Variants in MAP3K15 observed in about 807,000 individuals in gnomAD.
MAP3K15 encodes MAPK/ERK kinase kinase 15.
MAP3K15 carries 124 observed loss-of-function variants against 99.5 expected under a neutral mutation model. That is an observed-to-expected ratio of 1.25 (90% confidence interval 1.08 to 1.45). The LOEUF is 1.45. Ranked by LOEUF, MAP3K15 falls within the 40% of genes most tolerant of loss-of-function variation. MAP3K15 has a pLI of 0.00. For missense variants in MAP3K15, 1,242 were observed against 1,079.7 expected, an observed-to-expected ratio of 1.15 and a Z score of -2.11; for synonymous variants, 494 against 439.6, an observed-to-expected ratio of 1.12 and a Z score of -1.55.
At chrX:19,509,867 AAGAG>A (rs1179020119) in intron 1 of MAP3K15, among the ~76,000 whole-genome samples, 2 of 111,754 alleles carry the variant, frequency 1.8e-5, no homozygotes, top group African/African-American at 3.3e-5. Context: ...TAAAGAAGAA[AAGAG>A]AGAAGAATCA....
chrX:19,445,076 C>G (rs1296851557), intron 6 of MAP3K15, among the ~76,000 whole-genome samples: 1 of 111,270 alleles, frequency 9.0e-6, no homozygotes, highest in Non-Finnish European at 1.9e-5. Context: ...CTCCTCAACA[C>G]TATACAGCCT....
At chrX:19,513,981 C>T (rs1029481476) in intron 1 of MAP3K15, among the ~76,000 whole-genome samples, 3 of 111,106 alleles carry the variant, frequency 2.7e-5, no homozygotes, top group Non-Finnish European at 3.8e-5. Flanking sequence ...AAAGGTGCCC[C>T]CTAACCCGTG....
At chrX:19,481,420 A>G (rs1175929404) in intron 3 of MAP3K15, among the ~76,000 whole-genome samples, 1 of 111,332 alleles carries the variant, frequency 9.0e-6, no homozygotes, top group African/African-American at 3.3e-5. Flanking sequence ...AGCTAAAACT[A>G]TAAAACTTCT....
chrX:19,455,051 A>G (rs1321180845), intron 6 of MAP3K15, among the ~76,000 whole-genome samples: 1 of 111,967 alleles, frequency 8.9e-6, no homozygotes, highest in African/African-American at 3.2e-5. Context: ...ATTCAGGATC[A>G]GATTACATGT....
intron 9 of MAP3K15, among the ~76,000 whole-genome samples, chrX:19,421,087 G>C (rs766403850): frequency 2.3e-3 from 259 of 110,803 alleles, no homozygotes; most frequent in Non-Finnish European, 3.4e-3. Context: ...TACTGAATGG[G>C]CAAAAACTGG....
intron 9 of MAP3K15, among the ~76,000 whole-genome samples, chrX:19,424,695 G>T: frequency 9.0e-6 from 1 of 110,589 alleles, no homozygotes; most frequent in South Asian, 3.9e-4. Context: ...ACCCAGGCTG[G>T]ATTGCAGTTG....
rs1178265684 is a variant in MAP3K15 at position 19,395,105 on chromosome X, T to C, written c.2170A>G (p.Ile724Val). The C allele has an allele frequency of 2.5e-6, 3 of 1,206,146 alleles. No individual in the cohort carries two copies. In the African/African-American group the frequency reaches 5.3e-5, roughly 21 times the overall value. Residue 724 changes from isoleucine to valine, a missense_variant, in exon 16 of 29, where the codon ATA becomes GTA. Coordinates refer to ENST00000338883, the MANE Select transcript of MAP3K15 (RefSeq NM_001001671.4). ...GSVSENGYIK[I>V]FMEQVPGGSL... ...CCTCCAGGCACCTGCTCCATAAATA[T>C]CTTAATGTAGCCGTTCTCTGAAACA...
In MAP3K15 at chrX:19,415,267, T is replaced by A; in HGVS notation, c.1440-10A>T. On this transcript the variant is annotated splice_polypyrimidine_tract_variant and intron_variant, in intron 9 of 28. Coordinates refer to ENST00000338883, the MANE Select transcript of MAP3K15 (RefSeq NM_001001671.4). ...TAATGATCGCAGGTACCTGGAAAAA[T>A]CACAAACAGCAATATATTGGATTCC... 8.6e-7 allele frequency: 1 copy of A among 1,156,842 alleles called. No individual in the cohort carries two copies. The highest frequency in any genetic ancestry group is 1.1e-6 in the Non-Finnish European group (1 of 872,997).
At chrX:19,377,464 A>G (rs931917397) in intron 19 of MAP3K15, among the ~76,000 whole-genome samples, 4 of 111,135 alleles carry the variant, frequency 3.6e-5, no homozygotes, top group African/African-American at 1.3e-4. Flanking sequence ...GAATCGCTTG[A>G]ACCCGGGAGG....
At chrX:19,415,343 CT>C in intron 9 of MAP3K15, 86 bp from the exon 10 acceptor site, 1 of 831,063 alleles carries the variant, frequency 1.2e-6, no homozygotes, top group Non-Finnish European at 1.6e-6. Context: ...TTTCCAAAAG[CT>C]TTTATTCACT....
At chrX:19,458,434 T>G (rs1269373214) in intron 5 of MAP3K15, among the ~76,000 whole-genome samples, 3 of 112,115 alleles carry the variant, frequency 2.7e-5, no homozygotes, top group Non-Finnish European at 5.6e-5. Flanking sequence ...ATCCCAGCAC[T>G]CTGGGAGGCC....
At chrX:19,417,216 G>T (rs1004986703) in intron 9 of MAP3K15, among the ~76,000 whole-genome samples, 1 of 112,438 alleles carries the variant, frequency 8.9e-6, no homozygotes, top group Non-Finnish European at 1.9e-5. Context: ...GGGGTGCAGC[G>T]CACCAAGCGT....
chrX:19,451,589 C>T (rs765610215), intron 6 of MAP3K15, among the ~76,000 whole-genome samples: 1 of 108,839 alleles, frequency 9.2e-6, no homozygotes, highest in South Asian at 4.1e-4. Context: ...CTCAGTGTCA[C>T]TAATCAGAGA....
intron 7 of MAP3K15, 109 bp downstream of exon 7, chrX:19,431,329 C>T (rs912294968): frequency 3.7e-5 from 27 of 729,079 alleles, no homozygotes; most frequent in Non-Finnish European, 5.0e-5. Context: ...AATGTTTGCT[C>T]CCTGCCAACA....
At chrX:19,427,452 ATTG>A (rs2063841575) in intron 7 of MAP3K15, among the ~76,000 whole-genome samples, 1 of 111,753 alleles carries the variant, frequency 8.9e-6, no homozygotes, top group Non-Finnish European at 1.9e-5. Context: ...AGGAAGCCGT[ATTG>A]CCAAAATCCT....
intron 6 of MAP3K15, among the ~76,000 whole-genome samples, chrX:19,450,811 T>A (rs1247129338): frequency 9.2e-6 from 1 of 108,880 alleles, no homozygotes; most frequent in African/African-American, 3.3e-5. Context: ...CAGAGCCCTT[T>A]AAGCAAATAT....
At chrX:19,386,517 A>G (rs963339506) in intron 18 of MAP3K15, among the ~76,000 whole-genome samples, 11 of 110,627 alleles carry the variant, frequency 9.9e-5, no homozygotes, top group Admixed American at 1.9e-4. Flanking sequence ...TCCCTAACCT[A>G]TATTTCCTCC....
intron 15 of MAP3K15, 39 bp from the exon 16 acceptor site, chrX:19,395,247 C>A (rs2063560478): frequency 3.4e-6 from 4 of 1,187,523 alleles, no homozygotes; most frequent in Non-Finnish European, 4.6e-6. Flanking sequence ...CTGCCAAATC[C>A]CAGGGACTCT....
At chrX:19,433,028 T>C (rs762401585) in intron 6 of MAP3K15, among the ~76,000 whole-genome samples, 42 of 112,500 alleles carry the variant, frequency 3.7e-4, no homozygotes, top group African/African-American at 1.4e-3. Context: ...CCTTAGCTTT[T>C]AAAGATACAC....
Sources: allele counts gnomAD v4.1 joint callset (sites outside exome capture counted in the v4.1 genomes callset), GRCh38; gene constraint gnomAD v4.1.1; transcripts MANE v1.5; gene names NCBI Gene and HGNC (gene_info 2026-07-23, HGNC 2026-07-21).